Variants in DNAH2 observed in about 807,000 individuals in gnomAD.
DNAH2 encodes axonemal beta dynein heavy chain 2.
DNAH2 carries 323 observed loss-of-function variants against 523.5 expected under a neutral mutation model. That is an observed-to-expected ratio of 0.62 (90% CI 0.56 to 0.68). The LOEUF (loss-of-function observed/expected upper bound fraction) is 0.68. DNAH2 is among the 30% of genes least tolerant of loss of function. The pLI is 0.00. For synonymous variants in DNAH2, 2,093 were observed against 2,177.4 expected (o/e 0.96, Z 1.08); for missense variants, 4,907 against 5,701.5 (o/e 0.86, Z 4.49).
In DNAH2 at chr17:7,743,080, GGA is replaced by G. The variant is rs2075401303; in HGVS notation, c.1843_1844del (p.Asp615TyrfsTer19). On this transcript the variant is annotated frameshift_variant, in exon 12 of 86. Coordinates refer to ENST00000572933, the MANE Select transcript of DNAH2 (RefSeq NM_020877.5). LOFTEE classifies it high-confidence loss of function. ...TGGACAAGGATTGCATTCGGCGGTT[GGA>G]TACCCCATTGCTGCGAATCAGCCAG... ...SLDKDCIRRL[D>X]TPLLRISQEK... The G allele has an allele frequency of 6.5e-7, 1 of 1,545,586 alleles. No homozygotes were observed.
At position 7,719,859 on chromosome 17, in the gene DNAH2, G is replaced by C; in HGVS notation, c.125G>C (p.Ser42Thr). 6.3e-7 allele frequency: 1 copy of C among 1,594,886 alleles called. No homozygotes were observed. Among genetic ancestry groups the C allele is most frequent in the Admixed American group, 1.7e-5 (1 of 57,810 alleles). ...GAGCAGGGGAATGCCCCGGCTGTCA[G>C]TGAGCCAGAGCTGCAGGCTGAGCTC... ...TQEQGNAPAV[S>T]EPELQAELPK... Residue 42 changes from serine (S) to threonine (T), a missense_variant, in exon 2 of 86, where the codon AGT becomes ACT. Transcript: ENST00000572933.
intron 77 of DNAH2, among the ~76,000 whole-genome samples, chr17:7,827,051 G>C (rs925602640): frequency 6.6e-6 from 1 of 151,968 alleles, no homozygotes; most frequent in Admixed American, 6.5e-5. Flanking sequence ...TGCAACCATT[G>C]CTATATATGT....
chr17:7,830,518 C>A, intron 78 of DNAH2, 27 bp downstream of exon 78: 2 of 1,611,412 alleles, frequency 1.2e-6, no homozygotes, highest in Non-Finnish European at 8.5e-7. Context: ...GGTCCTCATC[C>A]CAGCCCTCTC....
intron 76 of DNAH2, 105 bp from the exon 77 acceptor site, chr17:7,824,432 T>C (rs2077961895): frequency 7.1e-7 from 1 of 1,408,162 alleles, no homozygotes; most frequent in East Asian, 2.6e-5. Flanking sequence ...TGGCAGATCT[T>C]AGTGTTAGGC....
At position 7,792,743 on chromosome 17, in the gene DNAH2, C is replaced by T. The variant is rs756711131; in HGVS notation, c.7232C>T (p.Pro2411Leu). Residue 2411 changes from proline (P) to leucine (L), a missense_variant, in exon 47 of 86, where the codon CCC (proline) becomes CTC (leucine). Transcript: ENST00000572933. The part of the protein sequence containing the change: ...LVSSLVANQN[P>L]ILLVGPVGTG... ...AGCAGCTTGGTGGCCAACCAGAATC[C>T]CATTCTGCTGGTGGGTCCCGTGGGG... 6.2e-7 allele frequency: 1 copy of T among 1,614,034 alleles called. No homozygotes were observed. The highest frequency in any genetic ancestry group is 1.1e-5 in the South Asian group (1 of 91,086).
In DNAH2 at chr17:7,798,287, G is replaced by C; in HGVS notation, c.8361G>C (p.Glu2787Asp). ...GCGACTACACCACCTTCCAGATCGA[G>C]GTCACCAAACATTATCGGAAGCAGG... ...SICDYTTFQI[E>D]VTKHYRKQEF... Residue 2787 changes from glutamate to aspartate, a missense_variant, in exon 54 of 86, where the codon GAG becomes GAC. By Grantham distance (45) the Glu-to-Asp change is conservative. Transcript: ENST00000572933. The surrounding 1 kb of genome is among the most constrained non-coding windows in gnomAD (Gnocchi z 5.5). The C allele has an allele frequency of 3.7e-6, 6 of 1,613,510 alleles. No individual in the cohort carries two copies. Among genetic ancestry groups the C allele is most frequent in the Non-Finnish European group, 4.2e-6 (5 of 1,179,522 alleles).
intron 12 of DNAH2, among the ~76,000 whole-genome samples, chr17:7,744,293 CAAAAAAAAAA>C (rs397977899): frequency 2.7e-5 from 1 of 37,118 alleles, no homozygotes; most frequent in Non-Finnish European, 5.9e-5. Context: ...GTCTCCGTCT[CAAAAAAAAAA>C]AAAAAAAAAA....
rs779127526 is a variant in DNAH2, at chr17:7,727,106, T to C, written c.229-16T>C. 2 of 1,531,992 alleles carry C rather than the reference T, an allele frequency of 1.3e-6. No homozygotes were observed. The highest frequency in any genetic ancestry group is 2.6e-5 in the South Asian group (2 of 76,220). 94.9% of individuals were successfully genotyped at this position (1,531,992 alleles called of 1,614,324 possible). A position where few individuals can be genotyped will look rare whatever the true frequency, so the allele number is the denominator to read the frequency against. ...GGCAGTTGTAGTTACTTTGGCCCTC[T>C]GCTCTCCTTCTGTAGAAGCCCCTCT... On this transcript the variant is annotated splice_polypyrimidine_tract_variant and intron_variant, in intron 3 of 85. Transcript: ENST00000572933.
chr17:7,735,103 GATAA>G (rs942664860), intron 7 of DNAH2, among the ~76,000 whole-genome samples: 6 of 152,076 alleles, frequency 3.9e-5, no homozygotes, highest in Non-Finnish European at 8.8e-5. Flanking sequence ...AAGGAAAAGG[GATAA>G]ATACTTTTTT....
rs754491214 is a variant in DNAH2, at chr17:7,760,850, T to TGTACC, written c.2897_2898insTACCG (p.Trp966CysfsTer91). The TGTACC allele has an allele frequency of 6.2e-7, 1 of 1,614,116 alleles. No homozygotes were observed. Among genetic ancestry groups the TGTACC allele is most frequent in the African/African-American group, 1.3e-5 (1 of 74,944 alleles). On this transcript the variant is annotated frameshift_variant, in exon 18 of 86. Transcript: ENST00000572933. LOFTEE classifies it high-confidence loss of function. This position sits in a 1 kb window ranked among gnomAD's most constrained non-coding sequence, Gnocchi z 4.0. ...GACCTGGGACATGTACCGGGAGATC[T>TGTACC]GGGAGATCAACAAGGACTCCTTCAT...
At position 7,786,686 on chromosome 17, in the gene DNAH2, A is replaced by G; in HGVS notation, c.6465A>G (p.Ala2155=). The part of the protein sequence containing the change: ...ILSSVMRTAC[A]DEKPDEKWIL... ...CCAGTGTCATGCGGACGGCATGTGC[A>G]GGTATCCAGAGGATCGTGGGGTGTG... The change falls in exon 41 of 86, where the codon GCA becomes GCG. Residue 2155 remains alanine, a splice_region_variant and synonymous_variant. Transcript: ENST00000572933. This position sits in a 1 kb window ranked among gnomAD's most constrained non-coding sequence, Gnocchi z 7.5. The G allele has an allele frequency of 6.2e-7, 1 of 1,613,804 alleles. No individual in the cohort carries two copies. Among genetic ancestry groups the G allele is most frequent in the South Asian group, 1.1e-5 (1 of 91,060 alleles).
Position 7,758,978 on chromosome 17 carries a change from G to T in DNAH2, c.2302G>T (p.Gly768Cys), listed in dbSNP as rs1441770904. The T allele has an allele frequency of 1.9e-6, 3 of 1,614,166 alleles. No homozygotes were observed. The highest frequency in any genetic ancestry group is 1.7e-6 in the Non-Finnish European group (2 of 1,180,032). ...MSEKLLVRIS[G>C]KRVYRDLEFE... ...AGAGAAGCTGCTGGTACGCATTAGTGGCAAACGGGTATACAGGGACCTGGA... is the reference window on the plus strand; with the variant it reads ...AGAGAAGCTGCTGGTACGCATTAGTTGCAAACGGGTATACAGGGACCTGGA... Residue 768 changes from glycine to cysteine, a missense_variant, in exon 15 of 86, where the codon GGC (glycine) becomes TGC (cysteine). Around this residue, in one of 3 missense-constraint regions of DNAH2, gnomAD observed 2,806 missense variants for 3,190.8 expected, o/e 0.88. Coordinates refer to ENST00000572933, the MANE Select transcript of DNAH2 (RefSeq NM_020877.5).
At chr17:7,827,208 G>GT (rs752570544) in intron 77 of DNAH2, among the ~76,000 whole-genome samples, 17 of 151,984 alleles carry the variant, frequency 1.1e-4, no homozygotes, top group Non-Finnish European at 1.9e-4. Context: ...CTTTTATGCT[G>GT]TTTTTTGGTG....
chr17:7,787,032 A>C lies in DNAH2; in HGVS notation c.6602A>C (p.Gln2201Pro), dbSNP rs1224083026. 2 of 1,613,934 alleles carry C rather than the reference A, an allele frequency of 1.2e-6. No individual in the cohort carries two copies. The highest frequency in any genetic ancestry group is 1.3e-5 in the African/African-American group (1 of 74,952). Residue 2201 changes from glutamine (Q) to proline (P), a missense_variant and splice_region_variant, in exon 42 of 86, where the codon CAG becomes CCG. By Grantham distance (76) the Gln-to-Pro change is moderately conservative. Transcript: ENST00000572933. The stretch of plus-strand genomic sequence containing the variant: ...GGCGAGCGCATCGCGATGCCCGAGC[A>C]GGTCAGGGACGCGGCTGACTCCTGG... ...INGERIAMPEQVSLLFEVEDL... is the reference protein window; with the variant it reads ...INGERIAMPEPVSLLFEVEDL...
chr17:7,822,793 A>AAGTG (rs1315201492), intron 73 of DNAH2, among the ~76,000 whole-genome samples: 2 of 152,220 alleles, frequency 1.3e-5, no homozygotes, highest in Non-Finnish European at 2.9e-5. Context: ...ATGAATAAGC[A>AAGTG]AGTGAGTGAA....
chr17:7,773,195 G>A (rs1204257507), intron 28 of DNAH2, among the ~76,000 whole-genome samples: 8 of 152,158 alleles, frequency 5.3e-5, no homozygotes, highest in Non-Finnish European at 7.3e-5. Flanking sequence ...GTCTTCTGCC[G>A]CCTGCTCTGG....
At position 7,817,778 on chromosome 17, in the gene DNAH2, C is replaced by T. The variant is rs1209983245; in HGVS notation, c.10170-12C>T. On this transcript the variant is annotated splice_polypyrimidine_tract_variant and intron_variant, in intron 66 of 85. Coordinates refer to ENST00000572933, the MANE Select transcript of DNAH2 (RefSeq NM_020877.5). Reference sequence around the variant, plus strand: ...GAGAGGGCCTCACCTCTGACCTGTACTCCCCTTCCAGGTGGGCACTGATGA... The same window carrying T: ...GAGAGGGCCTCACCTCTGACCTGTATTCCCCTTCCAGGTGGGCACTGATGA... 1.2e-6 allele frequency: 2 copies of T among 1,613,926 alleles called. No individual in the cohort carries two copies. Among genetic ancestry groups the T allele is most frequent in the Non-Finnish European group, 1.7e-6 (2 of 1,180,008 alleles).
chr17:7,833,489 TG>T lies in DNAH2; in HGVS notation c.13242del (p.Trp4414Ter), dbSNP rs752882034. 6.2e-7 allele frequency: 1 copy of T among 1,614,090 alleles called. No homozygotes were observed. Among genetic ancestry groups the T allele is most frequent in the South Asian group, 1.1e-5 (1 of 91,088 alleles). On this transcript the variant is annotated frameshift_variant, in exon 86 of 86. Transcript: ENST00000572933. LOFTEE classifies it high-confidence loss of function. ...GTCTGGGGCCATGACACCTGATCAT[TG>T]GATCAAGAGGGGCACTGCTCTACTC... Reference protein sequence around the residue: ...LRSGAMTPDHWIKRGTALLMS... With the variant: ...LRSGAMTPDHXIKRGTALLMS...
chr17:7,831,574 AG>A lies in DNAH2; in HGVS notation c.12611+36del. On this transcript the variant is annotated intron_variant, in intron 81 of 85. Coordinates refer to ENST00000572933, the MANE Select transcript of DNAH2 (RefSeq NM_020877.5). The surrounding 1 kb of genome is among the most constrained non-coding windows in gnomAD (Gnocchi z 4.2). ...AGAGGGGGACTCTGCGGAACAGGGG[AG>A]GGTGTGAGGAGAAGCCTTTGCCTTC... 1 of 1,613,896 alleles carries A rather than the reference AG, an allele frequency of 6.2e-7. No individual in the cohort carries two copies. Among genetic ancestry groups the A allele is most frequent in the Non-Finnish European group, 8.5e-7 (1 of 1,179,856 alleles).
Sources: allele counts gnomAD v4.1 joint callset (sites outside exome capture counted in the v4.1 genomes callset), GRCh38; gene constraint gnomAD v4.1.1; regional missense constraint gnomAD v4.1.1; non-coding constraint Gnocchi (gnomAD v3.1); transcripts MANE v1.5; gene names NCBI Gene and HGNC (gene_info 2026-07-23, HGNC 2026-07-21).